Variants in CLTCL1 observed in about 807,000 individuals in gnomAD.
The protein encoded by CLTCL1 is clathrin heavy chain like 1, also known as clathrin heavy chain 2.
CLTCL1 carries 159 observed loss-of-function variants against 190.0 expected under a neutral mutation model. The observed-to-expected ratio is 0.84, with a 90% CI of 0.74 to 0.95. The LOEUF (loss-of-function observed/expected upper bound fraction) is 0.95, where lower values mean the gene tolerates loss of function less well. CLTCL1 is among the 40% of genes least tolerant of loss of function. The pLI, the probability that CLTCL1 is intolerant of heterozygous loss-of-function variation, is 0.00. For missense variants in CLTCL1, 1,878 were observed against 2,033.4 expected, an observed-to-expected ratio of 0.92 and a Z score of 1.47; for synonymous variants, 752 against 769.6, an observed-to-expected ratio of 0.98 and a Z score of 0.38.
intron 18 of CLTCL1, among the ~76,000 whole-genome samples, chr22:19,216,673 G>A (rs2085395353): frequency 6.6e-6 from 1 of 152,226 alleles, no homozygotes; most frequent in East Asian, 1.9e-4. Flanking sequence ...AGCCAGAGCT[G>A]TGGAGCCACG....
At chr22:19,225,802 G>C (rs2085724787) in intron 12 of CLTCL1, among the ~76,000 whole-genome samples, 169 bp from the exon 13 acceptor site, 1 of 152,228 alleles carries the variant, frequency 6.6e-6, no homozygotes, top group Non-Finnish European at 1.5e-5. Flanking sequence ...GTAGGAGCAA[G>C]GAGTAAAGCT....
intron 26 of CLTCL1, among the ~76,000 whole-genome samples, chr22:19,194,385 G>C (rs1555934228): frequency 6.6e-6 from 1 of 152,200 alleles, no homozygotes; most frequent in East Asian, 1.9e-4. Context: ...TGGAGGCTGA[G>C]GCAGGAGAAT....
chr22:19,254,292 A>T (rs1158478700), intron 2 of CLTCL1, 65 bp from the exon 3 acceptor site: 22 of 1,335,286 alleles, frequency 1.6e-5, no homozygotes, highest in Non-Finnish European at 2.3e-5. Context: ...AAATTCATAT[A>T]CTCTTAATTC....
At chr22:19,228,027 C>A (rs984016504) in intron 11 of CLTCL1, among the ~76,000 whole-genome samples, 1 of 152,200 alleles carries the variant, frequency 6.6e-6, no homozygotes, top group Admixed American at 6.5e-5. Flanking sequence ...GGGTGCCTTC[C>A]CCTGCCACCT....
At chr22:19,282,539 G>A (rs575576829) in intron 1 of CLTCL1, among the ~76,000 whole-genome samples, 12 of 150,918 alleles carry the variant, frequency 8.0e-5, no homozygotes, top group East Asian at 4.0e-4. Flanking sequence ...TCAGGAGGCC[G>A]AGGCAGGAGA....
intron 18 of CLTCL1, 29 bp from the exon 19 acceptor site, chr22:19,216,285 T>C (rs2085383166): frequency 1.2e-6 from 2 of 1,610,792 alleles, no homozygotes; most frequent in Non-Finnish European, 1.7e-6. Context: ...TGAAAGAACT[T>C]GATTAAAGTC....
At chr22:19,194,507 AAGAAG>A (rs1555934377) in intron 26 of CLTCL1, among the ~76,000 whole-genome samples, 1 of 152,136 alleles carries the variant, frequency 6.6e-6, no homozygotes, top group Non-Finnish European at 1.5e-5. Context: ...AAAACAAAAA[AAGAAG>A]AGAAAACTGA....
intron 4 of CLTCL1, 104 bp from the exon 5 acceptor site, chr22:19,239,492 G>C: frequency 1.2e-6 from 1 of 803,896 alleles, no homozygotes; most frequent in Admixed American, 1.9e-5. Flanking sequence ...CACACTGGAT[G>C]ATTAACGCTA....
At chr22:19,223,758 G>T in intron 14 of CLTCL1, 133 bp downstream of exon 14, 2 of 962,786 alleles carry the variant, frequency 2.1e-6, no homozygotes, top group Non-Finnish European at 3.1e-6. Context: ...ATAAAGTGGA[G>T]CTCTGTCCCT....
In CLTCL1 at chr22:19,226,227, T is replaced by C. The variant is rs782008758; in HGVS notation, c.1939A>G (p.Asn647Asp). ...KRAVVHTHLLNPEWLVNFFGS... is the reference protein window; with the variant it reads ...KRAVVHTHLLDPEWLVNFFGS... ...CCAGGGGTACACAGTACCTCGGGAT[T>C]GAGGAGGTGAGTGTGGACCACAGCC... Residue 647 changes from asparagine to aspartate, a missense_variant, in exon 12 of 33, where the codon AAT (asparagine) becomes GAT (aspartate). Asn to Asp is a conservative substitution (Grantham distance 23). Transcript: ENST00000427926. 23 of 1,613,652 alleles carry C rather than the reference T, an allele frequency of 1.4e-5. No individual in the cohort carries two copies. Among genetic ancestry groups the C allele is most frequent in the Non-Finnish European group, 1.9e-5 (22 of 1,179,780 alleles).
At position 19,254,183 on chromosome 22, in the gene CLTCL1, T is replaced by C. The variant is rs1555971487; in HGVS notation, c.295A>G (p.Met99Val). 5 of 1,613,718 alleles carry C rather than the reference T, an allele frequency of 3.1e-6. No individual in the cohort carries two copies. The highest frequency in any genetic ancestry group is 4.2e-6 in the Non-Finnish European group (5 of 1,179,646). ...TCTTCTGCCATAGTATGAGCCTTCA[T>C]TTTACTCTTCATCTCAATATTAAAG... ...QIFNIEMKSK[M>V]KAHTMAEEVI... is the part of the protein sequence containing the mutation. The change falls in exon 3 of 33, where the codon ATG (methionine) becomes GTG (valine). Residue 99 changes from methionine to valine, a missense_variant. Coordinates refer to ENST00000427926, the MANE Select transcript of CLTCL1 (RefSeq NM_007098.4).
chr22:19,183,282 TG>T, intron 30 of CLTCL1, 107 bp downstream of exon 30: 1 of 889,850 alleles, frequency 1.1e-6, no homozygotes, highest in Non-Finnish European at 1.7e-6. Flanking sequence ...CTGGGGAATC[TG>T]GGTTGGCCTC....
intron 2 of CLTCL1, 115 bp downstream of exon 2, chr22:19,275,508 G>T (rs2146292246): frequency 9.0e-7 from 1 of 1,115,108 alleles, no homozygotes; most frequent in Non-Finnish European, 1.3e-6. Flanking sequence ...GGAATTAAGT[G>T]GAATACTATT....
At chr22:19,188,686 A>G (rs2146226438) in intron 27 of CLTCL1, among the ~76,000 whole-genome samples, 1 of 148,062 alleles carries the variant, frequency 6.8e-6, no homozygotes, top group Admixed American at 7.0e-5. Context: ...ATCTCGGCTC[A>G]CTGCATCCTC....
At position 19,234,558 on chromosome 22, in the gene CLTCL1, G is replaced by C; in HGVS notation, c.1118C>G (p.Ala373Gly). The change falls in exon 7 of 33, where the codon GCA (alanine) becomes GGA (glycine). Residue 373 changes from alanine (A) to glycine (G), a missense_variant. Ala to Gly is a moderately conservative substitution (Grantham distance 60). Coordinates refer to ENST00000427926, the MANE Select transcript of CLTCL1 (RefSeq NM_007098.4). ...GGCGGCTTCAGCATAGCTGCCCTGT[G>C]CAAAGAGGGTATTGAATTTTCTCAC... ...LFVRKFNTLF[A>G]QGSYAEAAKV... 1 of 1,613,980 alleles carries C rather than the reference G, an allele frequency of 6.2e-7. No homozygotes were observed. Among genetic ancestry groups the C allele is most frequent in the Non-Finnish European group, 8.5e-7 (1 of 1,179,878 alleles).
chr22:19,227,434 C>A lies in CLTCL1; in HGVS notation c.1783-1051G>T, dbSNP rs572800402. ...AGCAGCTGGGATTACAGGCACATGC[C>A]ACCACACCTGGCTACTTTTTTTTTT... On this transcript the variant is annotated intron_variant, in intron 11 of 32. Transcript: ENST00000427926. Among the ~76,000 whole-genome samples, 15 of 151,438 alleles carry A rather than the reference C, an allele frequency of 9.9e-5. No individual in the cohort carries two copies. In the South Asian group the frequency reaches 3.1e-3, roughly 32 times the overall value.
intron 24 of CLTCL1, among the ~76,000 whole-genome samples, chr22:19,197,474 T>C (rs1374106034): frequency 6.6e-6 from 1 of 152,072 alleles, no homozygotes; most frequent in Non-Finnish European, 1.5e-5. Context: ...TGACTCCTCA[T>C]TTCTCTTCTG....
At position 19,239,380 on chromosome 22, in the gene CLTCL1, G is replaced by T; in HGVS notation, c.690C>A (p.Ile230=). 4 of 1,613,366 alleles carry T rather than the reference G, an allele frequency of 2.5e-6. No individual in the cohort carries two copies. The highest frequency in any genetic ancestry group is 3.4e-6 in the Non-Finnish European group (4 of 1,179,266). ...VRNPTGGKLH[I]IEVGQPAAGN... ...CCGCTGCAGGCTGTCCAACTTCAAT[G>T]ATGTGCAACTAGAAGAGAGATTTTA... The change falls in exon 5 of 33, where the codon ATC becomes ATA. Residue 230 remains isoleucine, a synonymous_variant. Transcript: ENST00000427926.
chr22:19,239,525 GAAC>G, intron 4 of CLTCL1, 137 bp from the exon 5 acceptor site: 1 of 700,456 alleles, frequency 1.4e-6, no homozygotes, highest in African/African-American at 1.8e-5. Context: ...AACCAAAGCA[GAAC>G]AACCCCCTTG....
Sources: gnomAD v4.1 joint callset for allele counts (sites outside exome capture counted in the v4.1 genomes callset) on GRCh38, gnomAD v4.1.1 for gene constraint, MANE v1.5 for transcripts, NCBI Gene and HGNC (gene_info 2026-07-23, HGNC 2026-07-21) for gene names.